Variants in CYP7B1 observed in about 807,000 individuals in gnomAD.
The protein encoded by CYP7B1 is cytochrome P450 7B1.
A neutral mutation model predicts 42.7 loss-of-function variants in CYP7B1; 29 were observed. The observed-to-expected ratio is 0.68, with a 90% CI of 0.51 to 0.93. CYP7B1 has a LOEUF of 0.93. Among genes scored for constraint, CYP7B1 ranks in the 40% least tolerant of loss-of-function variants. The pLI is 0.00. For missense variants in CYP7B1, 655 were observed against 600.5 expected, an observed-to-expected ratio of 1.09 and a Z score of -0.95; for synonymous variants, 235 against 218.2, an observed-to-expected ratio of 1.08 and a Z score of -0.68.
intron 1 of CYP7B1, among the ~76,000 whole-genome samples, chr8:64,737,479 T>C (rs1486925797): frequency 6.6e-6 from 1 of 152,206 alleles, no homozygotes; most frequent in East Asian, 1.9e-4. Flanking sequence ...GGCATTAAAA[T>C]CTGTAAAGCA....
intron 1 of CYP7B1, among the ~76,000 whole-genome samples, chr8:64,637,195 A>T (rs184076295): frequency 4.6e-5 from 7 of 152,320 alleles, no homozygotes; most frequent in African/African-American, 1.7e-4. Context: ...CTGCAGATCA[A>T]CACCAAAATA....
At chr8:64,771,668 C>T (rs1056314660) in intron 1 of CYP7B1, among the ~76,000 whole-genome samples, 1 of 152,194 alleles carries the variant, frequency 6.6e-6, no homozygotes, top group South Asian at 2.1e-4. Context: ...CTCCCATGTG[C>T]TGTAGTCTCT....
chr8:64,750,683 G>A (rs1008777060), intron 1 of CYP7B1, among the ~76,000 whole-genome samples: 2 of 152,176 alleles, frequency 1.3e-5, no homozygotes, highest in Non-Finnish European at 2.9e-5. Flanking sequence ...AAGGGGAAAT[G>A]TGAAGAGTCC....
intron 1 of CYP7B1, among the ~76,000 whole-genome samples, chr8:64,788,827 A>C (rs1055725586): frequency 1.3e-5 from 2 of 152,202 alleles, no homozygotes; most frequent in Non-Finnish European, 2.9e-5. Flanking sequence ...ACTGTAGAAT[A>C]TACAGTGTCT....
intron 1 of CYP7B1, among the ~76,000 whole-genome samples, chr8:64,675,620 C>G (rs1289358736): frequency 6.6e-6 from 1 of 151,888 alleles, no homozygotes; most frequent in Non-Finnish European, 1.5e-5. Context: ...TTAACTATCA[C>G]TAAATGATTC....
intron 1 of CYP7B1, among the ~76,000 whole-genome samples, chr8:64,625,043 G>T (rs1244115960): frequency 3.1e-5 from 4 of 129,950 alleles, no homozygotes. Flanking sequence ...GTGCGATCTC[G>T]GCTCACTGCA....
intron 2 of CYP7B1, among the ~76,000 whole-genome samples, chr8:64,619,164 CAG>C (rs1805492368): frequency 6.6e-6 from 1 of 152,214 alleles, no homozygotes; most frequent in Admixed American, 6.5e-5. Flanking sequence ...GATGCAAAAC[CAG>C]AGTTTCTTTG....
At chr8:64,640,340 A>T (rs928229641) in intron 1 of CYP7B1, among the ~76,000 whole-genome samples, 1 of 152,162 alleles carries the variant, frequency 6.6e-6, no homozygotes, top group Admixed American at 6.6e-5. Flanking sequence ...GATTAATTTC[A>T]TATTTCAGTT....
At chr8:64,664,360 T>A (rs1806244148) in intron 1 of CYP7B1, among the ~76,000 whole-genome samples, 1 of 152,216 alleles carries the variant, frequency 6.6e-6, no homozygotes, top group South Asian at 2.1e-4. Flanking sequence ...TAATAATAGC[T>A]ATTATTTATA....
intron 2 of CYP7B1, among the ~76,000 whole-genome samples, chr8:64,624,069 G>A (rs1332233067): frequency 1.3e-5 from 2 of 151,878 alleles, no homozygotes; most frequent in Admixed American, 6.6e-5. Flanking sequence ...TACAAATAAA[G>A]AGCATTAATT....
chr8:64,712,780 TTA>T (rs5891971), intron 1 of CYP7B1, among the ~76,000 whole-genome samples: 145,326 of 150,460 alleles, frequency 0.97, 70,290 homozygotes, highest in African/African-American at 0.99. Flanking sequence ...ATTTTATATA[TTA>T]TATATATATA....
chr8:64,632,443 C>A (rs1185401546), intron 1 of CYP7B1, among the ~76,000 whole-genome samples: 1 of 151,934 alleles, frequency 6.6e-6, no homozygotes, highest in East Asian at 1.9e-4. Flanking sequence ...AGTTTCTAAT[C>A]AGCAGGTATA....
At position 64,616,233 on chromosome 8, in the gene CYP7B1, A is replaced by G. The variant is rs761917910; in HGVS notation, c.308T>C (p.Ile103Thr). The change falls in exon 3 of 6, where the codon ATA becomes ACA. Residue 103 changes from isoleucine to threonine, a missense_variant. Coordinates refer to ENST00000310193, the MANE Select transcript of CYP7B1 (RefSeq NM_004820.5). ...AAAGCTTAATTGTTTATGATTTTTT[A>G]TCACTAGCTGGTACTGGAAGGGGTC... Reference protein sequence around the residue: ...ILDPFQYQLVIKNHKQLSFRV... With the variant: ...ILDPFQYQLVTKNHKQLSFRV... 4 of 1,609,246 alleles carry G rather than the reference A, an allele frequency of 2.5e-6. No individual in the cohort carries two copies. The Admixed American group carries it at 6.7e-5, about 27-fold the overall frequency.
chr8:64,790,162 C>T (rs1804594648), intron 1 of CYP7B1, among the ~76,000 whole-genome samples: 1 of 152,086 alleles, frequency 6.6e-6, no homozygotes, highest in African/African-American at 2.4e-5. Context: ...AAGCAATAAC[C>T]AAATCTTCTC....
intron 1 of CYP7B1, among the ~76,000 whole-genome samples, chr8:64,625,293 T>G (rs1289857926): frequency 2.0e-5 from 3 of 152,126 alleles, no homozygotes; most frequent in Non-Finnish European, 4.4e-5. Context: ...TTCGTACGCC[T>G]TTGCATCCTG....
intron 1 of CYP7B1, among the ~76,000 whole-genome samples, chr8:64,791,087 T>C (rs1804609859): frequency 6.6e-6 from 1 of 152,072 alleles, no homozygotes; most frequent in Non-Finnish European, 1.5e-5. Context: ...GAACAGAATC[T>C]CTCTCTCAAC....
chr8:64,788,945 C>T (rs13263496), intron 1 of CYP7B1, among the ~76,000 whole-genome samples: 16,092 of 152,112 alleles, frequency 0.11, 1,136 homozygotes, highest in Non-Finnish European at 0.16. Context: ...TTTTCAGATG[C>T]AGTCTCACTC....
intron 1 of CYP7B1, among the ~76,000 whole-genome samples, chr8:64,635,479 A>G (rs1805756691): frequency 6.6e-6 from 1 of 152,230 alleles, no homozygotes; most frequent in Admixed American, 6.5e-5. Context: ...AAGGTCTGTT[A>G]TCTTTAGTCT....
In CYP7B1 at chr8:64,752,395, C is replaced by T. The variant is rs1422155772; in HGVS notation, c.122+46071G>A. Among the ~76,000 whole-genome samples, 12 of 148,278 alleles carry T rather than the reference C, an allele frequency of 8.1e-5. No homozygotes were observed. The South Asian group carries it at 8.6e-4, about 11-fold the overall frequency. Reference sequence around the variant, plus strand: ...AATTGTGTGTGTGTATGTGCATGTGCGTGTGTGTGTGTGTGTGTGTGTGTG... The same window carrying T: ...AATTGTGTGTGTGTATGTGCATGTGTGTGTGTGTGTGTGTGTGTGTGTGTG... On this transcript the variant is annotated intron_variant, in intron 1 of 5. Transcript: ENST00000310193.
Sources: allele counts gnomAD v4.1 joint callset (sites outside exome capture counted in the v4.1 genomes callset), GRCh38; gene constraint gnomAD v4.1.1; transcripts MANE v1.5; gene names NCBI Gene and HGNC (gene_info 2026-07-23, HGNC 2026-07-21).